Variants in ZNF652 observed in about 807,000 individuals in gnomAD.
The protein encoded by ZNF652 is zinc finger protein 652.
Under a neutral mutation model 45.2 loss-of-function variants are expected in ZNF652, and 16 were observed. The observed-to-expected ratio is 0.35, with a 90% CI of 0.24 to 0.54. ZNF652 has a LOEUF of 0.54. ZNF652 is among the 20% of genes least tolerant of loss of function. The probability of loss-of-function intolerance (pLI) is 0.91; values close to 1 mark genes in which losing one functional copy is unlikely to be tolerated. For missense variants in ZNF652, 614 were observed against 765.6 expected, an observed-to-expected ratio of 0.80 and a Z score of 2.34; for synonymous variants, 250 against 260.6, an observed-to-expected ratio of 0.96 and a Z score of 0.39.
intron 1 of ZNF652, among the ~76,000 whole-genome samples, chr17:49,328,392 C>A (rs1440183740): frequency 6.6e-6 from 1 of 152,046 alleles, no homozygotes; most frequent in East Asian, 1.9e-4. Flanking sequence ...GATTACCCTA[C>A]AATAACTTGG....
In ZNF652 at chr17:49,345,413, G is replaced by C. The variant is rs918519309; in HGVS notation, c.-259+16496C>G. Reference sequence around the variant, plus strand: ...AAACGGGGTTTCACCATGTTGGCCAGCTAGTCGAGAAATCCTGATCTAAAG... The same window carrying C: ...AAACGGGGTTTCACCATGTTGGCCACCTAGTCGAGAAATCCTGATCTAAAG... On this transcript the variant is annotated intron_variant, in intron 1 of 5. Coordinates refer to ENST00000430262, the MANE Select transcript of ZNF652 (RefSeq NM_001145365.3). 5.9e-5 allele frequency among the ~76,000 whole-genome samples: 9 copies of C among 151,388 alleles called. 1 individual carries two copies. The South Asian group carries it at 1.9e-3, about 31-fold the overall frequency.
At chr17:49,358,540 CA>C (rs1164134106) in intron 1 of ZNF652, among the ~76,000 whole-genome samples, 8 of 152,150 alleles carry the variant, frequency 5.3e-5, no homozygotes, top group Non-Finnish European at 1.0e-4. Context: ...AGTATAGTCA[CA>C]TTTTTTTGGT....
chr17:49,335,246 T>A (rs1222247127), intron 1 of ZNF652, among the ~76,000 whole-genome samples: 1 of 152,224 alleles, frequency 6.6e-6, no homozygotes, highest in Non-Finnish European at 1.5e-5. Context: ...TATTATTGAT[T>A]TACTGGATAG....
intron 5 of ZNF652, among the ~76,000 whole-genome samples, chr17:49,302,584 G>A (rs947971687): frequency 6.6e-6 from 1 of 151,874 alleles, no homozygotes; most frequent in Non-Finnish European, 1.5e-5. Flanking sequence ...CACTGCGCCT[G>A]GCCCAGAAAT....
intron 5 of ZNF652, among the ~76,000 whole-genome samples, chr17:49,302,563 C>T (rs985214213): frequency 6.7e-6 from 1 of 150,198 alleles, no homozygotes; most frequent in Admixed American, 6.7e-5. Context: ...ATTGGGATTA[C>T]AGGCATGAGC....
intron 1 of ZNF652, among the ~76,000 whole-genome samples, chr17:49,349,631 G>T (rs1170998123): frequency 6.6e-6 from 1 of 152,134 alleles, no homozygotes; most frequent in Non-Finnish European, 1.5e-5. Flanking sequence ...GAAGACTCTT[G>T]ACTACTACTC....
chr17:49,312,064 G>A (rs1190142667), intron 3 of ZNF652, 22 bp from the exon 4 acceptor site: 2 of 1,562,320 alleles, frequency 1.3e-6, no homozygotes, highest in East Asian at 2.3e-5. Context: ...AATGTACTTA[G>A]TGTCAAAACA....
chr17:49,338,062 A>C (rs2070104878), intron 1 of ZNF652, among the ~76,000 whole-genome samples: 1 of 151,656 alleles, frequency 6.6e-6, no homozygotes, highest in Non-Finnish European at 1.5e-5. Context: ...ATCATGACTC[A>C]CTTCAGCCTC....
At chr17:49,335,791 T>C (rs9910041) in intron 1 of ZNF652, among the ~76,000 whole-genome samples, 2 of 152,278 alleles carry the variant, frequency 1.3e-5, no homozygotes, top group South Asian at 2.1e-4. Flanking sequence ...TGATGCTTGA[T>C]GGAAATGACC....
rs2069415443 is a variant in ZNF652, at chr17:49,292,387, A to T, written c.*6026T>A. On this transcript the variant is annotated 3_prime_UTR_variant, in exon 6 of 6. Coordinates refer to ENST00000430262, the MANE Select transcript of ZNF652 (RefSeq NM_001145365.3). ...AACACTGCAACCTCCTTTTCATTAC[A>T]TCCTTCATATATTATGGATCCATCA... is the stretch of plus-strand genomic sequence containing the variant. Among the ~76,000 whole-genome samples the T allele has an allele frequency of 6.6e-6, 1 of 152,200 alleles. No individual in the cohort carries two copies. Among genetic ancestry groups the T allele is most frequent in the Non-Finnish European group, 1.5e-5 (1 of 68,040 alleles).
At chr17:49,329,738 G>A (rs561661103) in intron 1 of ZNF652, among the ~76,000 whole-genome samples, 2 of 152,316 alleles carry the variant, frequency 1.3e-5, no homozygotes, top group Admixed American at 1.3e-4. Context: ...GCATTTAAAT[G>A]AGACTGCCAT....
intron 1 of ZNF652, among the ~76,000 whole-genome samples, chr17:49,337,132 GAGA>G (rs1193803233): frequency 1.3e-5 from 2 of 151,556 alleles, no homozygotes; most frequent in Non-Finnish European, 2.9e-5. Context: ...CTGGGAGTTT[GAGA>G]TCAGCCTGGG....
intron 1 of ZNF652, among the ~76,000 whole-genome samples, chr17:49,333,423 A>G (rs907254027): frequency 1.3e-5 from 2 of 149,788 alleles, no homozygotes; most frequent in African/African-American, 4.9e-5. Context: ...GAAGATATAC[A>G]AATGGGCCAG....
At chr17:49,311,595 A>G (rs1428280066) in intron 4 of ZNF652, 139 bp from the exon 5 acceptor site, 8 of 966,434 alleles carry the variant, frequency 8.3e-6, no homozygotes, top group Non-Finnish European at 1.0e-5. Context: ...TGGCTTTGCT[A>G]TATTTCTGCA....
chr17:49,332,399 A>C (rs1310039300), intron 1 of ZNF652, among the ~76,000 whole-genome samples: 1 of 152,254 alleles, frequency 6.6e-6, no homozygotes, highest in Non-Finnish European at 1.5e-5. Flanking sequence ...TGCAAAACAT[A>C]GCCAACAGAA....
In ZNF652 at chr17:49,298,314, G is replaced by T; in HGVS notation, c.*99C>A. ...ACTGGCGAAGCTCTTGGTAGAGGCGGAGGAGAGTCTGAGAACTAAGGAAAT... is the reference window on the plus strand; with the variant it reads ...ACTGGCGAAGCTCTTGGTAGAGGCGTAGGAGAGTCTGAGAACTAAGGAAAT... On this transcript the variant is annotated 3_prime_UTR_variant, in exon 6 of 6. Coordinates refer to ENST00000430262, the MANE Select transcript of ZNF652 (RefSeq NM_001145365.3). 1 of 1,464,902 alleles carries T rather than the reference G, an allele frequency of 6.8e-7. No homozygotes were observed. The highest frequency in any genetic ancestry group is 9.3e-7 in the Non-Finnish European group (1 of 1,079,970). The allele number at this position is 1,464,902 out of a possible 1,614,324, so 90.7% of individuals were successfully genotyped here.
intron 2 of ZNF652, among the ~76,000 whole-genome samples, chr17:49,314,297 G>C (rs2069766867): frequency 6.6e-6 from 1 of 151,790 alleles, no homozygotes; most frequent in Admixed American, 6.6e-5. Context: ...AAGTAGCTGG[G>C]ACTACAGGTG....
At chr17:49,326,122 A>G (rs1209466133) in intron 1 of ZNF652, among the ~76,000 whole-genome samples, 4 of 152,012 alleles carry the variant, frequency 2.6e-5, no homozygotes, top group Non-Finnish European at 4.4e-5. Flanking sequence ...TGTAGCAAAC[A>G]TAAGTATGGG....
chr17:49,298,789 T>G lies in ZNF652; in HGVS notation c.1445A>C (p.Asn482Thr). The G allele has an allele frequency of 6.2e-7, 1 of 1,614,074 alleles. No individual in the cohort carries two copies. The highest frequency in any genetic ancestry group is 1.1e-5 in the South Asian group (1 of 91,066). The change falls in exon 6 of 6, where the codon AAC (asparagine) becomes ACC (threonine). Residue 482 changes from asparagine to threonine, a missense_variant. This residue lies in a region of ZNF652 where 81 missense variants were observed against 167.0 expected (regional missense o/e 0.48). Coordinates refer to ENST00000430262, the MANE Select transcript of ZNF652 (RefSeq NM_001145365.3). ...DVCGQRFRFS[N>T]MLKAHKEKCF... is the part of the protein sequence containing the mutation. ...CTTCTCCTTGTGGGCCTTAAGCATG[T>G]TCGAGAAGCGGAACCGCTGGCCACA...
Sources: gnomAD v4.1 joint callset for allele counts (sites outside exome capture counted in the v4.1 genomes callset) on GRCh38, gnomAD v4.1.1 for gene constraint, gnomAD v4.1.1 regional missense constraint, MANE v1.5 for transcripts, NCBI Gene and HGNC (gene_info 2026-07-23, HGNC 2026-07-21) for gene names.